The following PCDHGA5 variants were observed in gnomAD, a reference collection of about 807,000 sequenced individuals.
PCDHGA5 encodes protocadherin gamma-A5.
A neutral mutation model predicts 56.7 loss-of-function variants in PCDHGA5; 36 were observed. That is an observed-to-expected ratio of 0.64 (90% CI 0.49 to 0.84). The LOEUF (loss-of-function observed/expected upper bound fraction) is 0.84. PCDHGA5 is among the 40% of genes least tolerant of loss of function. PCDHGA5 has a pLI of 0.00. For missense variants in PCDHGA5, 1,305 were observed against 1,201.5 expected, an observed-to-expected ratio of 1.09 and a Z score of -1.27; for synonymous variants, 563 against 520.2, an observed-to-expected ratio of 1.08 and a Z score of -1.12.
chr5:141,403,612 G>C (rs1314297922), intron 1 of PCDHGA5: 9 of 1,613,736 alleles, frequency 5.6e-6, no homozygotes, highest in African/African-American at 1.3e-5. Flanking sequence ...GCGGCGAGCC[G>C]CGTCGCTCCA....
chr5:141,411,568 AG>A (rs2095500132), intron 1 of PCDHGA5: 1 of 152,232 alleles, frequency 6.6e-6, no homozygotes, highest in South Asian at 2.1e-4. Context: ...TGGGCGACAG[AG>A]TGCGACCCTG....
At chr5:141,499,057 A>G (rs1361057448) in intron 2 of PCDHGA5, among the ~76,000 whole-genome samples, 1 of 152,036 alleles carries the variant, frequency 6.6e-6, no homozygotes, top group Non-Finnish European at 1.5e-5. Flanking sequence ...GAAAAAATGA[A>G]GAAGACTTAC....
intron 1 of PCDHGA5, among the ~76,000 whole-genome samples, chr5:141,433,404 T>TATCTATCA (rs757435896): frequency 6.8e-6 from 1 of 146,200 alleles, no homozygotes; most frequent in Non-Finnish European, 1.5e-5. Flanking sequence ...TCTATCTATC[T>TATCTATCA]ATTACTTTCT....
chr5:141,364,917 T>A lies in PCDHGA5; in HGVS notation c.587T>A (p.Leu196Ter). 6.2e-7 allele frequency: 1 copy of A among 1,613,946 alleles called. No homozygotes were observed. Among genetic ancestry groups the A allele is most frequent in the Non-Finnish European group, 8.5e-7 (1 of 1,179,884 alleles). ...TDGQKYPELV[L>*]EQPLDREKET... is the part of the protein sequence containing the mutation. ...GGACAAAAGTATCCGGAGCTGGTGT[T>A]GGAACAGCCCCTAGACCGCGAGAAA... is the stretch of plus-strand genomic sequence containing the variant. The change falls in exon 1 of 4, where the codon TTG becomes TAG. Residue 196 changes from leucine (L) to a stop codon, truncating the protein, a stop_gained. Coordinates refer to ENST00000518069, the MANE Select transcript of PCDHGA5 (RefSeq NM_018918.3). LOFTEE classifies it high-confidence loss of function.
rs758782408 is a variant in PCDHGA5, at chr5:141,365,720, A to G, written c.1390A>G (p.Asn464Asp). The G allele has an allele frequency of 1.1e-5, 17 of 1,613,732 alleles. No individual in the cohort carries two copies. The highest frequency in any genetic ancestry group is 1.2e-5 in the Non-Finnish European group (14 of 1,179,872). The change falls in exon 1 of 4, where the codon AAC becomes GAC. Residue 464 changes from asparagine to aspartate, a missense_variant. Physicochemically the swap from Asn to Asp is conservative, Grantham distance 23 (BLOSUM62 1). Transcript: ENST00000518069. ...QASYSTSVTE[N>D]NPRGVSIFSV... ...CTCCTACTCCACCTCTGTCACAGAAAACAATCCCAGAGGTGTCTCTATCTT... is the reference window on the plus strand; with the variant it reads ...CTCCTACTCCACCTCTGTCACAGAAGACAATCCCAGAGGTGTCTCTATCTT...
At position 141,370,670 on chromosome 5, in the gene PCDHGA5, AGAG is replaced by A. The variant is rs774593251; in HGVS notation, c.2421+3923_2421+3925del. On this transcript the variant is annotated intron_variant, in intron 1 of 3. Coordinates refer to ENST00000518069, the MANE Select transcript of PCDHGA5 (RefSeq NM_018918.3). ...TACTTGTGAGCGACCGTATAGACCGAGAGGAGATTTGTGGCAAGAAGTCGACGT... is the reference window on the plus strand; with the variant it reads ...TACTTGTGAGCGACCGTATAGACCGAGAGATTTGTGGCAAGAAGTCGACGT... The A allele has an allele frequency of 1.4e-5, 22 of 1,613,768 alleles. No homozygotes were observed. In the South Asian group the frequency reaches 1.5e-4, roughly 11 times the overall value.
intron 1 of PCDHGA5, chr5:141,478,072 G>A (rs752905249): frequency 6.2e-7 from 1 of 1,614,048 alleles, no homozygotes; most frequent in Admixed American, 1.7e-5. Flanking sequence ...AAGACAATGG[G>A]GAGCCTTCGC....
At chr5:141,441,859 G>T in intron 1 of PCDHGA5, 1 of 348,078 alleles carries the variant, frequency 2.9e-6, no homozygotes. Context: ...GGTGCTGCAC[G>T]CCGCGGAGCC....
intron 3 of PCDHGA5, among the ~76,000 whole-genome samples, chr5:141,509,422 G>A (rs1181133903): frequency 3.3e-5 from 5 of 152,136 alleles, no homozygotes; most frequent in Non-Finnish European, 5.9e-5. Flanking sequence ...GCCCCAATGA[G>A]TCAAACTCTT....
At chr5:141,382,862 C>T (rs1026124728) in intron 1 of PCDHGA5, 2 of 1,514,358 alleles carry the variant, frequency 1.3e-6, no homozygotes, top group Non-Finnish European at 1.8e-6. Context: ...TGAAGCACTT[C>T]CCGAGATCGG....
At chr5:141,395,926 A>G (rs2093327122) in intron 1 of PCDHGA5, 1 of 152,218 alleles carries the variant, frequency 6.6e-6, no homozygotes, top group South Asian at 2.1e-4. Flanking sequence ...TCTAAAGCCT[A>G]GAATGTCCAT....
intron 1 of PCDHGA5, chr5:141,387,709 A>C (rs1404514491): frequency 3.7e-5 from 37 of 1,008,514 alleles, no homozygotes; most frequent in Admixed American, 1.5e-4. Flanking sequence ...GGGCAGCCCC[A>C]GCTCAGACTC....
At chr5:141,399,298 A>T (rs1451298331) in intron 1 of PCDHGA5, 1 of 1,613,850 alleles carries the variant, frequency 6.2e-7, no homozygotes, top group Non-Finnish European at 8.5e-7. Flanking sequence ...TTTTAAGATT[A>T]TCTCTTCATC....
chr5:141,399,559 G>C, intron 1 of PCDHGA5: 1 of 1,614,038 alleles, frequency 6.2e-7, no homozygotes, highest in Non-Finnish European at 8.5e-7. Context: ...CCTGGACTTG[G>C]GGTTGAACGG....
intron 1 of PCDHGA5, chr5:141,430,861 A>C: frequency 6.3e-7 from 1 of 1,592,834 alleles, no homozygotes; most frequent in Middle Eastern, 1.7e-4. Flanking sequence ...TACGCTATTC[A>C]GTTCCGGAAG....
rs781289120 is a variant in PCDHGA5 at position 141,431,571 on chromosome 5, A to G, written c.2422-63236A>G. ...GTAGTCAACGCTACCGACCCTGACG[A>G]AGGAGTCAATGCGGAAGTGAGGTAT... is the stretch of plus-strand genomic sequence containing the variant. On this transcript the variant is annotated intron_variant, in intron 1 of 3. Transcript: ENST00000518069. The surrounding 1 kb of genome is among the most constrained non-coding windows in gnomAD (Gnocchi z 4.8). 6.2e-7 allele frequency: 1 copy of G among 1,614,144 alleles called. No homozygotes were observed. The highest frequency in any genetic ancestry group is 2.2e-5 in the East Asian group (1 of 44,882).
At position 141,487,565 on chromosome 5, in the gene PCDHGA5, G is replaced by A. The variant is rs1473034794; in HGVS notation, c.2422-7242G>A. ...GTCACCCAGTGCACCTATGGCAGGGGAGCCTGTTCGCCCAAGCTGCCCACC... is the reference window on the plus strand; with the variant it reads ...GTCACCCAGTGCACCTATGGCAGGGAAGCCTGTTCGCCCAAGCTGCCCACC... On this transcript the variant is annotated intron_variant, in intron 1 of 3. Transcript: ENST00000518069. This position sits in a 1 kb window ranked among gnomAD's most constrained non-coding sequence, Gnocchi z 5.0. The A allele has an allele frequency of 6.2e-7, 1 of 1,614,164 alleles. No individual in the cohort carries two copies. Among genetic ancestry groups the A allele is most frequent in the East Asian group, 2.2e-5 (1 of 44,856 alleles).
Position 141,364,526 on chromosome 5 carries a change from A to G in PCDHGA5, c.196A>G (p.Ile66Val), listed in dbSNP as rs532623040. The G allele has an allele frequency of 8.7e-6, 14 of 1,614,060 alleles. No homozygotes were observed. In the African/African-American group the frequency reaches 1.7e-4, roughly 20 times the overall value. Residue 66 changes from isoleucine (I) to valine (V), a missense_variant, in exon 1 of 4, where the codon ATC becomes GTC. By Grantham distance (29) the Ile-to-Val change is conservative (BLOSUM62 3). Coordinates refer to ENST00000518069, the MANE Select transcript of PCDHGA5 (RefSeq NM_018918.3). ...GGAGCTGGCGGAGCGCGGAGTCCGC[A>G]TCGTCTCCAGAGGTAGGACGCAGCT... ...PQELAERGVRIVSRGRTQLFA... is the reference protein window; with the variant it reads ...PQELAERGVRVVSRGRTQLFA...
intron 1 of PCDHGA5, chr5:141,395,935 A>T (rs950567838): frequency 6.6e-6 from 1 of 152,118 alleles, no homozygotes; most frequent in Non-Finnish European, 1.5e-5. Context: ...TAGAATGTCC[A>T]TTGCTCCCCC....
Sources: allele counts gnomAD v4.1 joint callset (sites outside exome capture counted in the v4.1 genomes callset), GRCh38; gene constraint gnomAD v4.1.1; non-coding constraint Gnocchi (gnomAD v3.1); transcripts MANE v1.5; gene names NCBI Gene and HGNC (gene_info 2026-07-23, HGNC 2026-07-21).